The following MAP2K4 variants were observed in gnomAD, a reference collection of about 807,000 sequenced individuals.
The protein encoded by MAP2K4 is mitogen-activated protein kinase kinase 4.
A neutral mutation model predicts 48.5 loss-of-function variants in MAP2K4; 4 were observed. The ratio of observed to expected loss-of-function variants is 0.08; its 90% CI spans 0.04 to 0.19. MAP2K4 has a LOEUF of 0.19. Among genes scored for constraint, MAP2K4 ranks in the 10% least tolerant of loss-of-function variants. The pLI, the probability that MAP2K4 is intolerant of heterozygous loss-of-function variation, is 1.00. For synonymous variants in MAP2K4, 166 were observed against 173.1 expected, an observed-to-expected ratio of 0.96 and a Z score of 0.32; for missense variants, 258 against 493.3, an observed-to-expected ratio of 0.52 and a Z score of 4.52.
intron 3 of MAP2K4, among the ~76,000 whole-genome samples, chr17:12,090,267 G>A (rs571730963): frequency 4.6e-5 from 7 of 152,310 alleles, no homozygotes; most frequent in African/African-American, 1.7e-4. Flanking sequence ...ATCAGTAGTT[G>A]TCACATCAGG....
At chr17:12,094,176 G>A (rs1971654415) in intron 3 of MAP2K4, among the ~76,000 whole-genome samples, 1 of 152,126 alleles carries the variant, frequency 6.6e-6, no homozygotes, top group African/African-American at 2.4e-5. Context: ...AAAGTTGTAG[G>A]TAAATCTGTG....
intron 2 of MAP2K4, among the ~76,000 whole-genome samples, chr17:12,076,898 C>A (rs1324004496): frequency 6.6e-6 from 1 of 151,838 alleles, no homozygotes; most frequent in African/African-American, 2.4e-5. Context: ...GTATCTTAAT[C>A]AAATTGTATT....
chr17:12,067,420 G>A (rs567189591), intron 2 of MAP2K4, among the ~76,000 whole-genome samples: 22 of 152,140 alleles, frequency 1.4e-4, no homozygotes, highest in Non-Finnish European at 2.4e-4. Flanking sequence ...GTGGGAGGCC[G>A]TCGTCCTGTG....
At chr17:12,135,767 C>A (rs1184122208) in intron 9 of MAP2K4, among the ~76,000 whole-genome samples, 2 of 150,288 alleles carry the variant, frequency 1.3e-5, no homozygotes, top group African/African-American at 4.9e-5. Flanking sequence ...CCAGGCTAGT[C>A]TCGAACTCCT....
rs28923179 is a variant in MAP2K4, at chr17:12,080,734, C to T, written c.219-622C>T. The stretch of plus-strand genomic sequence containing the variant: ...AAGAACAGGACAGTATACTAAGGCA[C>T]TAGTTCCCAAACATTACTGGAATCA... On this transcript the variant is annotated intron_variant, in intron 2 of 10. Transcript: ENST00000353533. Among the ~76,000 whole-genome samples the T allele has an allele frequency of 7.9e-4, 121 of 152,320 alleles. 4 individuals are homozygous for T. The East Asian group carries it at 0.023, about 29-fold the overall frequency.
Position 12,098,118 on chromosome 17 carries a change from G to A in MAP2K4, c.513+2424G>A, listed in dbSNP as rs1971819678. ...AAAAGTGTAGTTTTACAATAAAAGT[G>A]TTACTTTTATTAGTCACCTTTAAAG... On this transcript the variant is annotated intron_variant, in intron 4 of 10. Transcript: ENST00000353533. Among the ~76,000 whole-genome samples, 8 of 152,144 alleles carry A rather than the reference G, an allele frequency of 5.3e-5. No homozygotes were observed. The South Asian group carries it at 1.7e-3, about 32-fold the overall frequency.
chr17:12,119,870 A>G lies in MAP2K4; in HGVS notation c.814-5424A>G, dbSNP rs193078232. ...ACATGGATGGAGCTGTAGGCCATCC[A>G]TTAATATCTAAGGATACTTACTTAG... On this transcript the variant is annotated intron_variant, in intron 7 of 10. Transcript: ENST00000353533. Among the ~76,000 whole-genome samples the G allele has an allele frequency of 2.6e-5, 4 of 152,360 alleles. No individual in the cohort carries two copies. In the East Asian group the frequency reaches 5.8e-4, roughly 22 times the overall value.
intron 4 of MAP2K4, among the ~76,000 whole-genome samples, chr17:12,102,430 T>C (rs1382020980): frequency 2.6e-5 from 4 of 152,198 alleles, no homozygotes; most frequent in Non-Finnish European, 4.4e-5. Flanking sequence ...AAAATTTAGC[T>C]AATTTGCTAA....
chr17:12,020,907 C>T lies in MAP2K4; in HGVS notation c.21C>T (p.Ser7=). Residue 7 remains serine, a synonymous_variant, in exon 1 of 11, where the codon AGC becomes AGT. Transcript: ENST00000353533. MAAPSP[S]GGGGSGGGSG... is the part of the protein sequence containing the mutation. ...CAACAATGGCGGCTCCGAGCCCGAG[C>T]GGCGGCGGCGGCTCCGGGGGCGGCA... 8.3e-7 allele frequency: 1 copy of T among 1,202,916 alleles called. No homozygotes were observed. Among genetic ancestry groups the T allele is most frequent in the Non-Finnish European group, 1.0e-6 (1 of 966,920 alleles). 74.5% of individuals were successfully genotyped at this position (1,202,916 alleles called of 1,614,324 possible).
intron 3 of MAP2K4, among the ~76,000 whole-genome samples, chr17:12,094,011 T>C (rs1971648924): frequency 6.6e-6 from 1 of 152,170 alleles, no homozygotes; most frequent in Non-Finnish European, 1.5e-5. Context: ...CTGAAGTTGA[T>C]TTAAAAGTAA....
intron 1 of MAP2K4, among the ~76,000 whole-genome samples, chr17:12,029,316 G>A (rs2151508176): frequency 1.3e-5 from 2 of 152,168 alleles, no homozygotes; most frequent in African/African-American, 4.8e-5. Flanking sequence ...ATTCATCAGT[G>A]TCAAGAATTA....
intron 9 of MAP2K4, among the ~76,000 whole-genome samples, chr17:12,134,305 C>T (rs1973134228): frequency 6.6e-6 from 1 of 151,928 alleles, no homozygotes; most frequent in Admixed American, 6.6e-5. Flanking sequence ...CCTAAGAAAT[C>T]TAAACAAATA....
At position 12,141,359 on chromosome 17, in the gene MAP2K4, C is replaced by A; in HGVS notation, c.*99C>A. Reference sequence around the variant, plus strand: ...ACAGTGTTTTTATTGCTCGCCCAGACACCATGTGCAATAAGATTGGTGTTC... The same window carrying A: ...ACAGTGTTTTTATTGCTCGCCCAGAAACCATGTGCAATAAGATTGGTGTTC... On this transcript the variant is annotated 3_prime_UTR_variant, in exon 11 of 11. Coordinates refer to ENST00000353533, the MANE Select transcript of MAP2K4 (RefSeq NM_003010.4). The A allele has an allele frequency of 2.4e-6, 2 of 822,848 alleles. No homozygotes were observed. Among genetic ancestry groups the A allele is most frequent in the South Asian group, 1.4e-5 (1 of 71,532 alleles). 51.0% of individuals were successfully genotyped at this position (822,848 alleles called of 1,614,324 possible).
At position 12,115,832 on chromosome 17, in the gene MAP2K4, C is replaced by G. The variant is rs991451825; in HGVS notation, c.813+2472C>G. ...CTCTGCTGACAGGAGCTGCACTGTG[C>G]GATGGGAGAATAAAACCATGTACTG... On this transcript the variant is annotated intron_variant, in intron 7 of 10. Coordinates refer to ENST00000353533, the MANE Select transcript of MAP2K4 (RefSeq NM_003010.4). 4 of 710,860 alleles carry G rather than the reference C, an allele frequency of 5.6e-6. No individual in the cohort carries two copies. The African/African-American group carries it at 7.0e-5, about 12-fold the overall frequency. The allele number at this position is 710,860 out of a possible 1,614,324, so 44.0% of individuals were successfully genotyped here.
chr17:12,054,871 T>C lies in MAP2K4; in HGVS notation c.116-18T>C. On this transcript the variant is annotated intron_variant, in intron 1 of 10. Coordinates refer to ENST00000353533, the MANE Select transcript of MAP2K4 (RefSeq NM_003010.4). ...TTGTAGTACTTGAAACTTTTACTTT[T>C]TATTTGTTATTTCTCAGGTAAACGC... The C allele has an allele frequency of 6.4e-7, 1 of 1,555,056 alleles. No individual in the cohort carries two copies. Among genetic ancestry groups the C allele is most frequent in the South Asian group, 1.1e-5 (1 of 89,656 alleles).
At chr17:12,062,559 A>G (rs1970483322) in intron 2 of MAP2K4, among the ~76,000 whole-genome samples, 1 of 152,094 alleles carries the variant, frequency 6.6e-6, no homozygotes, top group African/African-American at 2.4e-5. Flanking sequence ...ATGGTCTCGA[A>G]CTCAAGCTAT....
chr17:12,022,093 G>T (rs1213058827), intron 1 of MAP2K4, among the ~76,000 whole-genome samples: 1 of 152,202 alleles, frequency 6.6e-6, no homozygotes, highest in African/African-American at 2.4e-5. Flanking sequence ...TAGTCAGTGT[G>T]ACCATGGTTA....
chr17:12,138,845 G>A (rs1488545331), intron 9 of MAP2K4, among the ~76,000 whole-genome samples: 3 of 152,150 alleles, frequency 2.0e-5, no homozygotes, highest in African/African-American at 7.2e-5. Flanking sequence ...GACCTGCCTT[G>A]GAATGAGGGT....
chr17:12,045,234 A>C (rs1969926761), intron 1 of MAP2K4, among the ~76,000 whole-genome samples: 2 of 152,226 alleles, frequency 1.3e-5, no homozygotes, highest in African/African-American at 4.8e-5. Context: ...CACTGATTGA[A>C]AAAATATTGA....
Sources: gnomAD v4.1 joint callset for allele counts (sites outside exome capture counted in the v4.1 genomes callset) on GRCh38, gnomAD v4.1.1 for gene constraint, MANE v1.5 for transcripts, NCBI Gene and HGNC (gene_info 2026-07-23, HGNC 2026-07-21) for gene names.